Variants in ZBTB7C observed in about 807,000 individuals in gnomAD.
ZBTB7C encodes zinc finger and BTB domain-containing protein 7C.
Under a neutral mutation model 25.7 loss-of-function variants are expected in ZBTB7C, and 8 were observed. The observed-to-expected ratio is 0.31, with a 90% CI of 0.18 to 0.56. ZBTB7C has a LOEUF of 0.56. Ranked by LOEUF, ZBTB7C falls within the 20% of genes least tolerant of loss-of-function variation. The probability of loss-of-function intolerance (pLI) is 0.91; values close to 1 mark genes in which losing one functional copy is unlikely to be tolerated. For synonymous variants in ZBTB7C, 394 were observed against 369.0 expected, an observed-to-expected ratio of 1.07 and a Z score of -0.78; for missense variants, 824 against 855.2, an observed-to-expected ratio of 0.96 and a Z score of 0.46.
chr18:48,272,202 A>C (rs976398298), intron 2 of ZBTB7C, among the ~76,000 whole-genome samples: 1 of 152,246 alleles, frequency 6.6e-6, no homozygotes, highest in African/African-American at 2.4e-5. Flanking sequence ...TGAGTAAAGA[A>C]GATCACCCTC....
chr18:48,221,594 G>C (rs1249850467), intron 2 of ZBTB7C, among the ~76,000 whole-genome samples: 3 of 143,180 alleles, frequency 2.1e-5, no homozygotes, highest in Non-Finnish European at 4.5e-5. Context: ...TACTGTCTCA[G>C]TCTCCTCTAT....
chr18:48,108,338 G>A (rs537082940), intron 3 of ZBTB7C, among the ~76,000 whole-genome samples: 18 of 152,134 alleles, frequency 1.2e-4, no homozygotes, highest in Non-Finnish European at 2.2e-4. Flanking sequence ...GCGGGGAGGC[G>A]AGTGGGAGGA....
chr18:48,281,511 G>A (rs1239167488), intron 2 of ZBTB7C, among the ~76,000 whole-genome samples: 2 of 152,144 alleles, frequency 1.3e-5, no homozygotes, highest in Admixed American at 6.5e-5. Flanking sequence ...ACTACTATCA[G>A]AGTGAACAGG....
At chr18:48,314,600 A>G (rs1034814114) in intron 2 of ZBTB7C, among the ~76,000 whole-genome samples, 2 of 152,170 alleles carry the variant, frequency 1.3e-5, no homozygotes, top group African/African-American at 2.4e-5. Context: ...GCACAGGATG[A>G]TGGGAGGTGG....
chr18:48,131,022 G>A (rs1034205436), intron 3 of ZBTB7C, among the ~76,000 whole-genome samples: 6 of 152,100 alleles, frequency 3.9e-5, no homozygotes, highest in Non-Finnish European at 7.3e-5. Context: ...TCCTGCCTCC[G>A]CCTCCCTAGT....
At chr18:48,153,864 C>T (rs2040754158) in intron 3 of ZBTB7C, among the ~76,000 whole-genome samples, 1 of 152,218 alleles carries the variant, frequency 6.6e-6, no homozygotes, top group African/African-American at 2.4e-5. Context: ...GTGGTTCCCT[C>T]AGTCCTTCCC....
At chr18:48,238,837 G>C (rs1470204905) in intron 2 of ZBTB7C, among the ~76,000 whole-genome samples, 1 of 152,208 alleles carries the variant, frequency 6.6e-6, no homozygotes, top group Non-Finnish European at 1.5e-5. Flanking sequence ...TGGCAGGAGG[G>C]GAGAGGTGGG....
chr18:48,047,986 C>T (rs2036538971), intron 3 of ZBTB7C, among the ~76,000 whole-genome samples: 1 of 152,196 alleles, frequency 6.6e-6, no homozygotes, highest in Non-Finnish European at 1.5e-5. Flanking sequence ...GATGCCAAAG[C>T]TCATATTTGT....
intron 2 of ZBTB7C, among the ~76,000 whole-genome samples, chr18:48,215,124 C>G (rs2042791230): frequency 6.6e-6 from 1 of 152,192 alleles, no homozygotes; most frequent in African/African-American, 2.4e-5. Context: ...GTTAAAAAGA[C>G]CAGTTCCAAT....
intron 3 of ZBTB7C, among the ~76,000 whole-genome samples, chr18:48,179,160 G>A (rs924260287): frequency 3.3e-5 from 5 of 152,280 alleles, no homozygotes; most frequent in Admixed American, 1.3e-4. Flanking sequence ...TGGCTGTGGC[G>A]CTCTGCTCTA....
chr18:48,184,254 G>T (rs752022591), intron 3 of ZBTB7C, among the ~76,000 whole-genome samples: 1 of 152,166 alleles, frequency 6.6e-6, no homozygotes, highest in Non-Finnish European at 1.5e-5. Flanking sequence ...ACCCCGTGGC[G>T]CAGCACAATG....
At chr18:48,318,537 G>C (rs918112339) in intron 2 of ZBTB7C, among the ~76,000 whole-genome samples, 7 of 152,176 alleles carry the variant, frequency 4.6e-5, no homozygotes, top group African/African-American at 1.7e-4. Flanking sequence ...TAGGAGGGTC[G>C]CATCTGCGGC....
At chr18:48,146,174 C>CA (rs1207467844) in intron 3 of ZBTB7C, among the ~76,000 whole-genome samples, 6 of 152,016 alleles carry the variant, frequency 3.9e-5, no homozygotes, top group Non-Finnish European at 7.4e-5. Context: ...TTTTGATAAA[C>CA]AATCCAAGCA....
chr18:48,223,347 A>G (rs2043006980), intron 2 of ZBTB7C, among the ~76,000 whole-genome samples: 1 of 152,184 alleles, frequency 6.6e-6, no homozygotes, highest in African/African-American at 2.4e-5. Context: ...GTCATATTCT[A>G]GAAACATATC....
intron 3 of ZBTB7C, among the ~76,000 whole-genome samples, chr18:48,116,239 T>C (rs2039436600): frequency 6.6e-6 from 1 of 152,124 alleles, no homozygotes; most frequent in African/African-American, 2.4e-5. Flanking sequence ...GCCCTGTGCA[T>C]GTCCCAGGCT....
At chr18:48,336,330 C>G (rs2144940488) in intron 2 of ZBTB7C, among the ~76,000 whole-genome samples, 1 of 152,372 alleles carries the variant, frequency 6.6e-6, no homozygotes, top group Non-Finnish European at 1.5e-5. Context: ...CCCCACCAGA[C>G]TGTGAGCTTC....
intron 2 of ZBTB7C, among the ~76,000 whole-genome samples, chr18:48,232,381 T>C (rs964968628): frequency 2.0e-5 from 3 of 152,164 alleles, no homozygotes; most frequent in Non-Finnish European, 4.4e-5. Flanking sequence ...TACATTTCTG[T>C]TGTTTTAAGC....
At chr18:48,092,566 G>A (rs2038460058) in intron 3 of ZBTB7C, among the ~76,000 whole-genome samples, 1 of 152,156 alleles carries the variant, frequency 6.6e-6, no homozygotes, top group African/African-American at 2.4e-5. Context: ...AAACCTAGAA[G>A]GATTTTGCAC....
At chr18:48,161,344 A>G (rs2041019210) in intron 3 of ZBTB7C, among the ~76,000 whole-genome samples, 1 of 152,010 alleles carries the variant, frequency 6.6e-6, no homozygotes, top group Admixed American at 6.5e-5. Flanking sequence ...GATCCCTTGG[A>G]AGAGCCAGCT....
Sources: allele counts gnomAD v4.1 joint callset (sites outside exome capture counted in the v4.1 genomes callset), GRCh38; gene constraint gnomAD v4.1.1; transcripts MANE v1.5; gene names NCBI Gene and HGNC (gene_info 2026-07-23, HGNC 2026-07-21).